SYT6: variants seen among roughly 807,000 people sequenced by gnomAD.
The protein encoded by SYT6 is synaptotagmin 6.
A neutral mutation model predicts 38.4 loss-of-function variants in SYT6; 24 were observed. The observed-to-expected ratio is 0.62, with a 90% confidence interval of 0.45 to 0.88. The LOEUF is 0.88. SYT6 is among the 40% of genes least tolerant of loss of function. SYT6 has a pLI of 0.00. For synonymous variants in SYT6, 265 were observed against 241.9 expected, an observed-to-expected ratio of 1.10 and a Z score of -0.89; for missense variants, 611 against 621.0, an observed-to-expected ratio of 0.98 and a Z score of 0.17.
intron 3 of SYT6, among the ~76,000 whole-genome samples, chr1:114,130,216 C>G (rs1449713191): frequency 1.4e-5 from 2 of 146,108 alleles, no homozygotes; most frequent in African/African-American, 5.0e-5. Context: ...GCTTCATCTT[C>G]TCCATGCCAT....
At chr1:114,139,265 T>A (rs1168270271) in intron 2 of SYT6, among the ~76,000 whole-genome samples, 2 of 152,144 alleles carry the variant, frequency 1.3e-5, no homozygotes, top group African/African-American at 4.8e-5. Context: ...CACCATGAAC[T>A]CTTACATCTC....
intron 3 of SYT6, among the ~76,000 whole-genome samples, chr1:114,112,663 G>A (rs965810545): frequency 6.6e-6 from 1 of 152,258 alleles, no homozygotes; most frequent in Non-Finnish European, 1.5e-5. Flanking sequence ...GGGTGCTTGT[G>A]CCTGAGAGCC....
Position 114,138,020 on chromosome 1 carries a change from C to T in SYT6, c.546G>A (p.Gln182=). The stretch of plus-strand genomic sequence containing the variant: ...CATAGTCTACACTGGAGACATGCAT[C>T]TGCCTTGGCAGGTGGCGCTTGAAGG... ...HTSFKRHLPR[Q]MHVSSVDYGN... Residue 182 remains glutamine, a synonymous_variant, in exon 3 of 8, where the codon CAG becomes CAA. Transcript: ENST00000610222. The T allele has an allele frequency of 1.2e-6, 2 of 1,613,934 alleles. No individual in the cohort carries two copies. The highest frequency in any genetic ancestry group is 1.7e-6 in the Non-Finnish European group (2 of 1,180,010).
intron 3 of SYT6, among the ~76,000 whole-genome samples, chr1:114,112,387 T>C (rs1029943877): frequency 6.6e-6 from 1 of 152,216 alleles, no homozygotes. Context: ...GATGGTCTTA[T>C]TTAGGAAACT....
At chr1:114,112,511 C>A (rs1676747010) in intron 3 of SYT6, among the ~76,000 whole-genome samples, 1 of 152,206 alleles carries the variant, frequency 6.6e-6, no homozygotes, top group Non-Finnish European at 1.5e-5. Flanking sequence ...AGGTGCAGAT[C>A]TCTTCCTAAT....
intron 3 of SYT6, among the ~76,000 whole-genome samples, chr1:114,122,885 A>G (rs199941098): frequency 2.0e-5 from 3 of 150,602 alleles, no homozygotes; most frequent in African/African-American, 4.9e-5. Flanking sequence ...AATTTTCCCC[A>G]TCAAAGTCAC....
At chr1:114,113,833 G>T (rs764142598) in intron 3 of SYT6, among the ~76,000 whole-genome samples, 3 of 152,124 alleles carry the variant, frequency 2.0e-5, no homozygotes, top group Non-Finnish European at 2.9e-5. Flanking sequence ...ATGGAAAATG[G>T]ATTGTACCAC....
chr1:114,106,391 G>A (rs2100997297), intron 3 of SYT6, among the ~76,000 whole-genome samples: 1 of 152,182 alleles, frequency 6.6e-6, no homozygotes, highest in East Asian at 1.9e-4. Context: ...GAGAAAATTA[G>A]TGTTTGGTGA....
intron 2 of SYT6, 108 bp from the exon 3 acceptor site, chr1:114,138,161 G>A (rs1678624159): frequency 8.8e-7 from 1 of 1,131,956 alleles, no homozygotes; most frequent in Non-Finnish European, 1.2e-6. Context: ...CCCTTGTTGA[G>A]CCCCCTTTTC....
chr1:114,141,784 T>A (rs1250259080), intron 1 of SYT6, among the ~76,000 whole-genome samples: 1 of 152,220 alleles, frequency 6.6e-6, no homozygotes, highest in Non-Finnish European at 1.5e-5. Context: ...CTGATGACTT[T>A]AAGATGAACC....
At chr1:114,121,033 C>T (rs1453311461) in intron 3 of SYT6, among the ~76,000 whole-genome samples, 1 of 152,206 alleles carries the variant, frequency 6.6e-6, no homozygotes, top group East Asian at 1.9e-4. Context: ...AGCTAACTGG[C>T]CAGAGAGGGA....
Position 114,090,849 on chromosome 1 carries a change from T to TC in SYT6, c.*1284dup, listed in dbSNP as rs1675262002. 6.6e-6 allele frequency: 1 copy of TC among 152,648 alleles called. No individual in the cohort carries two copies. Among genetic ancestry groups the TC allele is most frequent in the African/African-American group, 2.4e-5 (1 of 41,396 alleles). 9.5% of individuals were successfully genotyped at this position (152,648 alleles called of 1,614,324 possible). ...AGAATAGTTCAAACAATTTTTTTTT[T>TC]CCTAAACTGAGTTTGGCCTAAGGTA... On this transcript the variant is annotated 3_prime_UTR_variant, in exon 8 of 8. Transcript: ENST00000610222.
chr1:114,103,744 G>C lies in SYT6; in HGVS notation c.1072-23C>G, dbSNP rs750707151. 2.5e-6 allele frequency: 4 copies of C among 1,608,970 alleles called. No individual in the cohort carries two copies. The African/African-American group carries it at 5.3e-5, about 21-fold the overall frequency. On this transcript the variant is annotated intron_variant, in intron 3 of 7. Transcript: ENST00000610222. ...TTCCTGCAAAGAAGCACACAAGAGG[G>C]CAGATGAGGGGCTTGCAGACCATGG...
At chr1:114,112,322 A>G (rs1342961606) in intron 3 of SYT6, among the ~76,000 whole-genome samples, 1 of 152,212 alleles carries the variant, frequency 6.6e-6, no homozygotes, top group Non-Finnish European at 1.5e-5. Flanking sequence ...CATTGAGACT[A>G]AAGCACATCA....
At chr1:114,117,625 C>G (rs547693190) in intron 3 of SYT6, among the ~76,000 whole-genome samples, 2 of 152,236 alleles carry the variant, frequency 1.3e-5, no homozygotes, top group Non-Finnish European at 2.9e-5. Flanking sequence ...CAGCCCTGGG[C>G]TTCCCTACCC....
chr1:114,122,475 G>A (rs1677463503), intron 3 of SYT6, among the ~76,000 whole-genome samples: 1 of 140,614 alleles, frequency 7.1e-6, no homozygotes, highest in African/African-American at 2.9e-5. Flanking sequence ...GACACAGCAT[G>A]TACATTTGTG....
intron 1 of SYT6, among the ~76,000 whole-genome samples, chr1:114,150,247 TC>T (rs1206955593): frequency 3.9e-5 from 6 of 152,074 alleles, no homozygotes; most frequent in African/African-American, 1.4e-4. Context: ...GAAACCACCA[TC>T]CCTACTTGAC....
At chr1:114,135,850 G>C (rs1678448396) in intron 3 of SYT6, among the ~76,000 whole-genome samples, 1 of 152,214 alleles carries the variant, frequency 6.6e-6, no homozygotes, top group African/African-American at 2.4e-5. Context: ...GGACTGAGCT[G>C]CTTTTCTCTA....
At chr1:114,132,749 A>G (rs1467687230) in intron 3 of SYT6, among the ~76,000 whole-genome samples, 1 of 152,204 alleles carries the variant, frequency 6.6e-6, no homozygotes, top group Non-Finnish European at 1.5e-5. Context: ...CAGGAAGGGC[A>G]CCAGAGGAAT....
Sources: allele counts gnomAD v4.1 joint callset (sites outside exome capture counted in the v4.1 genomes callset), GRCh38; gene constraint gnomAD v4.1.1; transcripts MANE v1.5; gene names NCBI Gene and HGNC (gene_info 2026-07-23, HGNC 2026-07-21).